The following WDR72 variants were observed in gnomAD, a reference collection of about 807,000 sequenced individuals.
WDR72 encodes the protein WD repeat domain 72, also known as WD repeat-containing protein 72.
A neutral mutation model predicts 124.2 loss-of-function variants in WDR72; 120 were observed. The ratio of observed to expected loss-of-function variants is 0.97; its 90% CI spans 0.83 to 1.12. The LOEUF (loss-of-function observed/expected upper bound fraction) is 1.12, where lower values mean the gene tolerates loss of function less well. Among genes scored for constraint, WDR72 ranks in the 50% most tolerant of loss-of-function variants. The pLI is 0.00. For missense variants in WDR72, 1,387 were observed against 1,278.8 expected (o/e 1.08, Z -1.29); for synonymous variants, 452 against 441.7 (o/e 1.02, Z -0.29).
chr15:53,690,351 G>A (rs73410181), intron 13 of WDR72, among the ~76,000 whole-genome samples: 10,929 of 152,076 alleles, frequency 0.072, 994 homozygotes, highest in African/African-American at 0.21. Flanking sequence ...ACAATGTTGT[G>A]TAACCACCAA....
At chr15:53,673,536 T>C (rs1254853245) in intron 13 of WDR72, among the ~76,000 whole-genome samples, 1 of 152,208 alleles carries the variant, frequency 6.6e-6, no homozygotes, top group Non-Finnish European at 1.5e-5. Context: ...AGAAACACCA[T>C]TTCTATAGAA....
chr15:53,744,612 A>G (rs1027829358), intron 1 of WDR72, among the ~76,000 whole-genome samples: 10 of 152,220 alleles, frequency 6.6e-5, no homozygotes, highest in African/African-American at 2.4e-4. Flanking sequence ...GCATGGGGAC[A>G]CTTTGCAAAA....
At chr15:53,682,806 T>A (rs1381434804) in intron 13 of WDR72, among the ~76,000 whole-genome samples, 2 of 152,186 alleles carry the variant, frequency 1.3e-5, no homozygotes, top group Non-Finnish European at 1.5e-5. Context: ...GTTGCTTCCA[T>A]ATTTTCAGGT....
chr15:53,718,634 G>A (rs1486722916), intron 3 of WDR72, among the ~76,000 whole-genome samples: 2 of 150,836 alleles, frequency 1.3e-5, no homozygotes, highest in Non-Finnish European at 2.9e-5. Context: ...GTAAAAATAA[G>A]ACATGAAATT....
intron 13 of WDR72, among the ~76,000 whole-genome samples, chr15:53,689,824 C>T (rs2016776381): frequency 6.6e-6 from 1 of 151,912 alleles, no homozygotes; most frequent in Admixed American, 6.6e-5. Flanking sequence ...CCCAGATGTC[C>T]AACAGTGATA....
intron 18 of WDR72, among the ~76,000 whole-genome samples, chr15:53,560,500 C>T (rs1894089489): frequency 6.6e-6 from 1 of 151,830 alleles, no homozygotes; most frequent in African/African-American, 2.4e-5. Context: ...CCCCTTCCTT[C>T]CTGTGCAGTT....
At chr15:53,526,149 A>C (rs1892101376) in intron 18 of WDR72, among the ~76,000 whole-genome samples, 1 of 152,042 alleles carries the variant, frequency 6.6e-6, no homozygotes, top group African/African-American at 2.4e-5. Context: ...GTGAGGGGTA[A>C]AGACATGAAG....
chr15:53,712,966 G>A (rs1221794321), intron 6 of WDR72, 75 bp from the exon 7 acceptor site: 22 of 1,532,164 alleles, frequency 1.4e-5, no homozygotes, highest in East Asian at 9.1e-5. Context: ...CCTGCTTCCC[G>A]TACATCTCAA....
At chr15:53,625,994 T>C (rs530161677) in intron 14 of WDR72, among the ~76,000 whole-genome samples, 3 of 152,338 alleles carry the variant, frequency 2.0e-5, no homozygotes, top group Admixed American at 6.5e-5. Context: ...ACGTACTTTC[T>C]AGCAACATGT....
At chr15:53,624,212 T>C (rs1358172120) in intron 14 of WDR72, among the ~76,000 whole-genome samples, 1 of 152,174 alleles carries the variant, frequency 6.6e-6, no homozygotes, top group African/African-American at 2.4e-5. Context: ...AGGTAGAGAA[T>C]GAGCTACACA....
intron 13 of WDR72, among the ~76,000 whole-genome samples, chr15:53,693,675 A>G (rs1478007927): frequency 6.6e-6 from 1 of 152,202 alleles, no homozygotes; most frequent in Admixed American, 6.5e-5. Flanking sequence ...ACTATTTCTA[A>G]TAAGAAAAAG....
Position 53,616,243 on chromosome 15 carries a change from C to T in WDR72, c.1963G>A (p.Val655Ile). The T allele has an allele frequency of 6.3e-7, 1 of 1,597,558 alleles. No individual in the cohort carries two copies. ...CTTGGGCAAAATTTGGCATCAGTAA[C>T]CTAAGGGAACAAAAAATATTTGTGT... ...PGLQVESSCK[V>I]TDAKFCPRPF... is the part of the protein sequence containing the mutation. The change falls in exon 15 of 20, where the codon GTT becomes ATT. Residue 655 changes from valine (V) to isoleucine (I), a missense_variant and splice_region_variant. By Grantham distance (29) the Val-to-Ile change is conservative. Transcript: ENST00000360509.
chr15:53,636,226 C>A (rs534524214), intron 14 of WDR72, among the ~76,000 whole-genome samples: 1 of 152,268 alleles, frequency 6.6e-6, no homozygotes, highest in South Asian at 2.1e-4. Flanking sequence ...GTCTGTTTCA[C>A]AATCAAGATC....
chr15:53,684,749 T>G (rs2016547377), intron 13 of WDR72: 1 of 153,408 alleles, frequency 6.5e-6, no homozygotes, highest in African/African-American at 2.4e-5. Context: ...GCTCCACCTC[T>G]GGGGGCAGGG....
chr15:53,665,772 GA>G lies in WDR72; in HGVS notation c.1766-5del. 6.2e-7 allele frequency: 1 copy of G among 1,613,366 alleles called. No homozygotes were observed. Among genetic ancestry groups the G allele is most frequent in the Non-Finnish European group, 8.5e-7 (1 of 1,179,686 alleles). ...GTCTCATGTCTTTCCAAAGTGCCTG[GA>G]AAACAAGATTAGAGGTAAAAATGTC... On this transcript the variant is annotated splice_region_variant and splice_polypyrimidine_tract_variant and intron_variant, in intron 13 of 19. Coordinates refer to ENST00000360509, the MANE Select transcript of WDR72 (RefSeq NM_182758.4).
chr15:53,687,733 A>G (rs1265543359), intron 13 of WDR72, among the ~76,000 whole-genome samples: 2 of 148,116 alleles, frequency 1.4e-5, no homozygotes, highest in Non-Finnish European at 3.0e-5. Context: ...TCATTCTGAT[A>G]CCAAAGCCGG....
chr15:53,690,972 C>A (rs1309316714), intron 13 of WDR72, among the ~76,000 whole-genome samples: 1 of 152,076 alleles, frequency 6.6e-6, no homozygotes, highest in Non-Finnish European at 1.5e-5. Context: ...TCTTTGTTTT[C>A]CACTTTTTAA....
intron 18 of WDR72, among the ~76,000 whole-genome samples, chr15:53,562,579 C>A (rs1337332834): frequency 1.3e-5 from 2 of 151,594 alleles, no homozygotes; most frequent in Non-Finnish European, 3.0e-5. Flanking sequence ...ATGTTACCTG[C>A]CTTCATTACA....
chr15:53,615,850 C>G lies in WDR72; in HGVS notation c.2356G>C (p.Val786Leu). ...KKMQPKPSRK[V>L]DASLTIDTAK... is the part of the protein sequence containing the mutation. ...GTGTCTATTGTGAGACTGGCATCTA[C>G]TTTTCTTGATGGCTTAGGCTGCATT... The change falls in exon 15 of 20, where the codon GTA (valine) becomes CTA (leucine). Residue 786 changes from valine to leucine, a missense_variant. By Grantham distance (32) the Val-to-Leu change is conservative. Coordinates refer to ENST00000360509, the MANE Select transcript of WDR72 (RefSeq NM_182758.4). 6.2e-7 allele frequency: 1 copy of G among 1,613,584 alleles called. No individual in the cohort carries two copies. Among genetic ancestry groups the G allele is most frequent in the Non-Finnish European group, 8.5e-7 (1 of 1,179,652 alleles).
Sources: gnomAD v4.1 joint callset for allele counts (sites outside exome capture counted in the v4.1 genomes callset) on GRCh38, gnomAD v4.1.1 for gene constraint, MANE v1.5 for transcripts, NCBI Gene and HGNC (gene_info 2026-07-23, HGNC 2026-07-21) for gene names.